The following C9 variants were observed in gnomAD, a reference collection of about 807,000 sequenced individuals.
C9 encodes complement C9, also known as complement component C9.
In C9, 63 loss-of-function variants were observed where a neutral mutation model predicts 65.4. That is an observed-to-expected ratio of 0.96 (90% CI 0.79 to 1.19). C9 has a LOEUF of 1.19. Ranked by LOEUF, C9 falls within the 50% of genes most tolerant of loss-of-function variation. The pLI is 0.00. For synonymous variants in C9, 229 were observed against 227.9 expected (o/e 1.00, Z -0.04); for missense variants, 744 against 670.1 (o/e 1.11, Z -1.22).
chr5:39,285,314 C>A, intron 10 of C9, 81 bp from the exon 11 acceptor site: 1 of 1,056,600 alleles, frequency 9.5e-7, no homozygotes, highest in South Asian at 1.3e-5. Flanking sequence ...GCTTTTTCAC[C>A]TTCTTATCCT....
At chr5:39,325,159 C>T (rs71623807) in intron 5 of C9, among the ~76,000 whole-genome samples, 6,513 of 152,124 alleles carry the variant, frequency 0.043, 162 homozygotes, top group Non-Finnish European at 0.058. Context: ...AAACCATAAA[C>T]CACATATTAG....
In C9 at chr5:39,288,917, A is replaced by T. The variant is rs145969667; in HGVS notation, c.1451T>A (p.Met484Lys). ...TTGTTTCTTTAGGTGTGCATTTTTCATTTTCACTGGAACCAGATTATATAT... is the reference window on the plus strand; with the variant it reads ...TTGTTTCTTTAGGTGTGCATTTTTCTTTTTCACTGGAACCAGATTATATAT... ...SPIYNLVPVK[M>K]KNAHLKKQNL... Residue 484 changes from methionine (M) to lysine (K), a missense_variant, in exon 10 of 11, where the codon ATG (methionine) becomes AAG (lysine). Physicochemically the swap from Met to Lys is moderately conservative, Grantham distance 95 (BLOSUM62 -1). Coordinates refer to ENST00000263408, the MANE Select transcript of C9 (RefSeq NM_001737.5). 303 of 1,609,230 alleles carry T rather than the reference A, an allele frequency of 1.9e-4. 3 individuals are homozygous for T. In the African/African-American group the frequency reaches 3.8e-3, roughly 20 times the overall value.
At chr5:39,339,099 GAAAT>G (rs1754020357) in intron 4 of C9, among the ~76,000 whole-genome samples, 1 of 152,060 alleles carries the variant, frequency 6.6e-6, no homozygotes. Context: ...TTTCCCTGAG[GAAAT>G]AAATAAAAAG....
At chr5:39,288,568 A>T (rs538937405) in intron 10 of C9, among the ~76,000 whole-genome samples, 155 bp downstream of exon 10, 1 of 151,932 alleles carries the variant, frequency 6.6e-6, no homozygotes, top group Admixed American at 6.6e-5. Flanking sequence ...ATAAAGGCTG[A>T]TTTACCCATT....
intron 5 of C9, among the ~76,000 whole-genome samples, chr5:39,330,528 C>G (rs1396622982): frequency 1.3e-5 from 2 of 152,174 alleles, no homozygotes; most frequent in Admixed American, 1.3e-4. Context: ...AACAATAGCC[C>G]TTCTCCCATC....
chr5:39,352,837 T>G (rs989052531), intron 1 of C9, among the ~76,000 whole-genome samples: 4 of 150,208 alleles, frequency 2.7e-5, no homozygotes, highest in East Asian at 3.9e-4. Context: ...AGTCTAAGTT[T>G]TTTTTTTTTT....
intron 9 of C9, among the ~76,000 whole-genome samples, chr5:39,296,902 A>C (rs899924959): frequency 5.3e-5 from 8 of 151,522 alleles, no homozygotes; most frequent in African/African-American, 1.9e-4. Context: ...TCATAGATGT[A>C]AAAAGTAGAA....
chr5:39,322,465 T>C (rs934983992), intron 5 of C9, among the ~76,000 whole-genome samples: 29 of 151,890 alleles, frequency 1.9e-4, no homozygotes, highest in African/African-American at 4.8e-4. Context: ...CTAAAGTCAA[T>C]TGAAGTAAGA....
intron 9 of C9, among the ~76,000 whole-genome samples, chr5:39,300,994 A>C (rs1236930138): frequency 6.6e-6 from 1 of 152,082 alleles, no homozygotes; most frequent in Non-Finnish European, 1.5e-5. Context: ...CTAAATATAA[A>C]AGCAAAATAA....
chr5:39,333,443 C>T lies in C9; in HGVS notation c.477-1629G>A, dbSNP rs558994123. Reference sequence around the variant, plus strand: ...GGGCTTCTAATGGGTAGCTGCTGCCCCTTCAACCTGGCTATCCCAGTGATC... The same window carrying T: ...GGGCTTCTAATGGGTAGCTGCTGCCTCTTCAACCTGGCTATCCCAGTGATC... On this transcript the variant is annotated intron_variant, in intron 4 of 10. Coordinates refer to ENST00000263408, the MANE Select transcript of C9 (RefSeq NM_001737.5). 2.0e-5 allele frequency among the ~76,000 whole-genome samples: 3 copies of T among 152,176 alleles called. No individual in the cohort carries two copies. In the South Asian group the frequency reaches 6.2e-4, roughly 32 times the overall value.
chr5:39,318,557 C>CT (rs5867455), intron 5 of C9, among the ~76,000 whole-genome samples: 4,664 of 143,034 alleles, frequency 0.033, 220 homozygotes, highest in African/African-American at 0.11. Context: ...TCAATTAGAA[C>CT]TTTTTTTTTT....
At chr5:39,298,734 C>A (rs1052385203) in intron 9 of C9, among the ~76,000 whole-genome samples, 2 of 151,784 alleles carry the variant, frequency 1.3e-5, no homozygotes, top group Non-Finnish European at 3.0e-5. Flanking sequence ...TTACTTCTCA[C>A]TTATTTTACA....
intron 5 of C9, among the ~76,000 whole-genome samples, chr5:39,324,886 A>C (rs1753722041): frequency 1.3e-5 from 2 of 151,588 alleles, no homozygotes; most frequent in African/African-American, 4.9e-5. Context: ...CAGAGAGAGA[A>C]GATCAAGGGG....
rs1454506589 is a variant in C9 at position 39,342,107 on chromosome 5, G to A, written c.167C>T (p.Pro56Leu). ...AACACTTACCATTTGTCTGAGACAA[G>A]GATCGCATTGTGACCATTCACTCCA... Reference protein sequence around the residue: ...SPWSEWSQCDPCLRQMFRSRS... With the variant: ...SPWSEWSQCDLCLRQMFRSRS... The change falls in exon 2 of 11, where the codon CCT (proline) becomes CTT (leucine). Residue 56 changes from proline to leucine, a missense_variant. Physicochemically the swap from Pro to Leu is moderately conservative, Grantham distance 98 (BLOSUM62 -3). Coordinates refer to ENST00000263408, the MANE Select transcript of C9 (RefSeq NM_001737.5). The A allele has an allele frequency of 6.3e-7, 1 of 1,585,086 alleles. No individual in the cohort carries two copies. The highest frequency in any genetic ancestry group is 1.7e-5 in the Admixed American group (1 of 59,992).
intron 6 of C9, among the ~76,000 whole-genome samples, chr5:39,314,238 T>C (rs990106112): frequency 4.6e-5 from 7 of 151,980 alleles, no homozygotes; most frequent in Middle Eastern, 6.8e-3. Context: ...TCACCTGAGG[T>C]TGGTAGTTCG....
intron 8 of C9, among the ~76,000 whole-genome samples, chr5:39,307,688 T>C (rs982370809): frequency 6.6e-6 from 1 of 152,228 alleles, no homozygotes; most frequent in African/African-American, 2.4e-5. Flanking sequence ...TTGAGAACTC[T>C]AGCACTAATT....
chr5:39,310,569 G>T (rs1431988967), intron 7 of C9, among the ~76,000 whole-genome samples: 2 of 152,008 alleles, frequency 1.3e-5, no homozygotes, highest in Non-Finnish European at 2.9e-5. Flanking sequence ...CCCATGACCA[G>T]AAACCTACTT....
chr5:39,341,793 A>T (rs1158160372), intron 2 of C9, 93 bp from the exon 3 acceptor site: 13 of 1,145,994 alleles, frequency 1.1e-5, no homozygotes, highest in Non-Finnish European at 1.6e-5. Flanking sequence ...CCCTGCAATG[A>T]GTCAATGGTT....
intron 4 of C9, 119 bp downstream of exon 4, chr5:39,341,027 C>CCCAT: frequency 1.8e-6 from 2 of 1,081,224 alleles, no homozygotes; most frequent in Non-Finnish European, 2.9e-6. Flanking sequence ...ATAATACAGA[C>CCCAT]CCATCAGCTG....
Sources: allele counts gnomAD v4.1 joint callset (sites outside exome capture counted in the v4.1 genomes callset), GRCh38; gene constraint gnomAD v4.1.1; transcripts MANE v1.5; gene names NCBI Gene and HGNC (gene_info 2026-07-23, HGNC 2026-07-21).